USP34: variants seen among roughly 807,000 people sequenced by gnomAD.
The protein encoded by USP34 is ubiquitin specific peptidase 34, also known as ubiquitin carboxyl-terminal hydrolase 34.
In USP34, 70 loss-of-function variants were observed where a neutral mutation model predicts 460.3. The observed-to-expected ratio is 0.15, with a 90% confidence interval of 0.13 to 0.19. USP34 has a LOEUF of 0.19. Among genes scored for constraint, USP34 ranks in the 10% least tolerant of loss-of-function variants. The probability of loss-of-function intolerance (pLI) is 1.00; values close to 1 mark genes in which losing one functional copy is unlikely to be tolerated. For missense variants in USP34, 3,985 were observed against 4,236.2 expected (o/e 0.94, Z 1.65); for synonymous variants, 1,647 against 1,405.3 (o/e 1.17, Z -3.85).
At chr2:61,242,499 ACACG>A (rs1216927246) in intron 51 of USP34, among the ~76,000 whole-genome samples, 20 of 144,912 alleles carry the variant, frequency 1.4e-4, no homozygotes, top group Non-Finnish European at 2.1e-4. Flanking sequence ...ACACACACAC[ACACG>A]ATGCAAAGGA....
At chr2:61,387,403 TG>T (rs1200447007) in intron 5 of USP34, among the ~76,000 whole-genome samples, 7 of 151,920 alleles carry the variant, frequency 4.6e-5, no homozygotes, top group Admixed American at 2.0e-4. Context: ...AGGTGGAGAC[TG>T]CAGTGAGCCA....
At chr2:61,259,473 T>A (rs1414367601) in intron 44 of USP34, among the ~76,000 whole-genome samples, 1 of 151,744 alleles carries the variant, frequency 6.6e-6, no homozygotes, top group Non-Finnish European at 1.5e-5. Flanking sequence ...CTGCAACCTC[T>A]GCCTCCTGGG....
intron 41 of USP34, among the ~76,000 whole-genome samples, chr2:61,270,859 A>C (rs1373500493): frequency 6.6e-6 from 1 of 152,188 alleles, no homozygotes. Flanking sequence ...ATACTTCCTA[A>C]AACATAGGCT....
In USP34 at chr2:61,321,641, T is replaced by C. The variant is rs180767775; in HGVS notation, c.3014-2314A>G. Among the ~76,000 whole-genome samples, 8 of 152,346 alleles carry C rather than the reference T, an allele frequency of 5.3e-5. No homozygotes were observed. The East Asian group carries it at 1.5e-3, about 29-fold the overall frequency. Reference sequence around the variant, plus strand: ...CTTACAGCCTTTTACAAGTATTTAATACGAATTTTCACATAATTTATGTTT... The same window carrying C: ...CTTACAGCCTTTTACAAGTATTTAACACGAATTTTCACATAATTTATGTTT... On this transcript the variant is annotated intron_variant, in intron 21 of 79. Coordinates refer to ENST00000398571, the MANE Select transcript of USP34 (RefSeq NM_014709.4).
Position 61,378,355 on chromosome 2 carries a change from C to T in USP34, c.1076+8G>A, listed in dbSNP as rs1443606896. ...TATACTTATATATAAATTAATGCTCCTACTTACGTTTCTGTGTCCGATACT... is the reference window on the plus strand; with the variant it reads ...TATACTTATATATAAATTAATGCTCTTACTTACGTTTCTGTGTCCGATACT... On this transcript the variant is annotated splice_region_variant and intron_variant, in intron 8 of 79. Coordinates refer to ENST00000398571, the MANE Select transcript of USP34 (RefSeq NM_014709.4). The T allele has an allele frequency of 1.3e-6, 2 of 1,569,054 alleles. No individual in the cohort carries two copies. The highest frequency in any genetic ancestry group is 1.2e-5 in the South Asian group (1 of 84,108).
intron 23 of USP34, 96 bp from the exon 24 acceptor site, chr2:61,315,070 C>T (rs772899246): frequency 4.1e-5 from 34 of 820,414 alleles, no homozygotes; most frequent in Non-Finnish European, 5.9e-5. Flanking sequence ...TAGGCAACTC[C>T]TATTATTCAG....
chr2:61,438,341 G>A (rs996207931), intron 1 of USP34, among the ~76,000 whole-genome samples: 1 of 152,136 alleles, frequency 6.6e-6, no homozygotes, highest in African/African-American at 2.4e-5. Context: ...GCCAGGCGTG[G>A]TGGCTCAACG....
intron 78 of USP34, chr2:61,189,762 G>A (rs1245146101): frequency 6.5e-6 from 1 of 152,730 alleles, no homozygotes; most frequent in Non-Finnish European, 1.5e-5. Flanking sequence ...CTTCCTTACT[G>A]AGCTCTGTCA....
intron 34 of USP34, among the ~76,000 whole-genome samples, chr2:61,286,858 TAC>T (rs1228274273): frequency 7.9e-5 from 12 of 152,304 alleles, no homozygotes; most frequent in Admixed American, 2.0e-4. Context: ...ATTTTACACA[TAC>T]ACTTATGTAT....
chr2:61,349,667 C>G (rs554897910), intron 12 of USP34, among the ~76,000 whole-genome samples: 54 of 152,086 alleles, frequency 3.6e-4, no homozygotes, highest in Middle Eastern at 3.4e-3. Context: ...GGTGAAACCC[C>G]GTCTCTACTA....
chr2:61,416,396 C>A (rs1024294612), intron 2 of USP34, among the ~76,000 whole-genome samples: 3 of 152,114 alleles, frequency 2.0e-5, no homozygotes, highest in Non-Finnish European at 4.4e-5. Context: ...GACAGAGAAC[C>A]TCACCCTGGC....
chr2:61,365,140 TAC>T (rs1286651929), intron 10 of USP34, among the ~76,000 whole-genome samples: 1 of 151,576 alleles, frequency 6.6e-6, no homozygotes, highest in Non-Finnish European at 1.5e-5. Context: ...TAATCCCAGC[TAC>T]TCAGGAGGCT....
intron 18 of USP34, among the ~76,000 whole-genome samples, chr2:61,335,478 T>C (rs769504613): frequency 1.3e-5 from 2 of 152,154 alleles, no homozygotes; most frequent in Non-Finnish European, 2.9e-5. Context: ...GGCCAACGCA[T>C]AATGGTTCAT....
rs1004693618 is a variant in USP34, at chr2:61,344,130, A to G, written c.2286-101T>C. ...CTTAAACTTACAAATACACTTAGAAACAAACCGACATCTGCTTATTAACAA... is the reference window on the plus strand; with the variant it reads ...CTTAAACTTACAAATACACTTAGAAGCAAACCGACATCTGCTTATTAACAA... On this transcript the variant is annotated intron_variant, in intron 15 of 79. Coordinates refer to ENST00000398571, the MANE Select transcript of USP34 (RefSeq NM_014709.4). The G allele has an allele frequency of 8.5e-6, 9 of 1,053,232 alleles. No individual in the cohort carries two copies. The African/African-American group carries it at 1.4e-4, about 17-fold the overall frequency. The allele number at this position is 1,053,232 out of a possible 1,614,324, so 65.2% of individuals were successfully genotyped here.
At chr2:61,222,991 T>G in intron 64 of USP34, 69 bp downstream of exon 64, 1 of 1,376,700 alleles carries the variant, frequency 7.3e-7, no homozygotes, top group Non-Finnish European at 9.9e-7. Flanking sequence ...GCCACCGCAC[T>G]CGGCCAGATT....
chr2:61,318,373 T>C (rs950911741), intron 22 of USP34, among the ~76,000 whole-genome samples: 2 of 152,118 alleles, frequency 1.3e-5, no homozygotes, highest in Non-Finnish European at 2.9e-5. Flanking sequence ...ATGAGAGGTA[T>C]AGCTACAAGT....
At chr2:61,188,881 AGG>A in intron 79 of USP34, 27 bp downstream of exon 79, 1 of 1,612,534 alleles carries the variant, frequency 6.2e-7, no homozygotes. Context: ...CCCACCCTAA[AGG>A]TAATGATAGT....
intron 1 of USP34, among the ~76,000 whole-genome samples, chr2:61,436,174 CAAAAAA>C (rs1187259004): frequency 6.6e-6 from 1 of 151,518 alleles, no homozygotes; most frequent in Non-Finnish European, 1.5e-5. Flanking sequence ...ACTAAAAATA[CAAAAAA>C]ATTGGCTGGG....
intron 75 of USP34, chr2:61,193,365 T>TAAAAAAAGAAAAAAA (rs1686696239): frequency 1.0e-5 from 1 of 97,234 alleles, no homozygotes; most frequent in African/African-American, 3.8e-5. Flanking sequence ...AGGGGAAAGG[T>TAAAAAAAGAAAAAAA]AAAAAAAAAA....
Sources: allele counts gnomAD v4.1 joint callset (sites outside exome capture counted in the v4.1 genomes callset), GRCh38; gene constraint gnomAD v4.1.1; transcripts MANE v1.5; gene names NCBI Gene and HGNC (gene_info 2026-07-23, HGNC 2026-07-21).